SNX29: variants seen among roughly 807,000 people sequenced by gnomAD.
SNX29 encodes sorting nexin-29.
Under a neutral mutation model 102.1 loss-of-function variants are expected in SNX29, and 78 were observed. That is an observed-to-expected ratio of 0.76 (90% CI 0.64 to 0.92). The LOEUF (loss-of-function observed/expected upper bound fraction) is 0.92, where lower values mean the gene tolerates loss of function less well. Among genes scored for constraint, SNX29 ranks in the 40% least tolerant of loss-of-function variants. SNX29 has a pLI of 0.00. For synonymous variants in SNX29, 580 were observed against 414.5 expected (o/e 1.40, Z -4.85); for missense variants, 1,280 against 1,061.7 (o/e 1.21, Z -2.86).
intron 20 of SNX29, among the ~76,000 whole-genome samples, chr16:12,532,586 A>G (rs1025804386): frequency 2.0e-5 from 3 of 152,162 alleles, no homozygotes; most frequent in Admixed American, 6.5e-5. Flanking sequence ...ACCATCTGAA[A>G]TCCCAGTCTG....
chr16:12,322,933 T>A (rs1468063482), intron 15 of SNX29, among the ~76,000 whole-genome samples: 3 of 134,862 alleles, frequency 2.2e-5, no homozygotes, highest in Non-Finnish European at 4.7e-5. Flanking sequence ...GGGACCACTG[T>A]CAGGATGCGG....
chr16:12,560,668 G>C (rs187846243), intron 20 of SNX29: 2 of 156,682 alleles, frequency 1.3e-5, no homozygotes, highest in African/African-American at 2.4e-5. Context: ...CTTGGGGGCT[G>C]GGCTTGGATG....
chr16:12,527,226 C>G (rs1286708773), intron 20 of SNX29: 6 of 533,734 alleles, frequency 1.1e-5, no homozygotes, highest in African/African-American at 1.1e-4. Flanking sequence ...AATGATGGAT[C>G]AGCCACAGCC....
intron 14 of SNX29, among the ~76,000 whole-genome samples, chr16:12,220,163 T>G (rs1490991543): frequency 4.6e-5 from 7 of 150,948 alleles, no homozygotes. Context: ...AGAATGTGTG[T>G]TATTTCACAG....
At chr16:12,016,590 A>G (rs1345837329) in intron 3 of SNX29, among the ~76,000 whole-genome samples, 2 of 152,078 alleles carry the variant, frequency 1.3e-5, no homozygotes, top group African/African-American at 2.4e-5. Flanking sequence ...TGATTTTGTC[A>G]TGACTTTGTA....
chr16:12,549,077 T>G lies in SNX29; in HGVS notation c.2319-19429T>G, dbSNP rs142631868. Reference sequence around the variant, plus strand: ...TGCAGCTGGGCAGGCATCATAGTGTTCGGCTCCCTGTTACAGTGTCATTTC... The same window carrying G: ...TGCAGCTGGGCAGGCATCATAGTGTGCGGCTCCCTGTTACAGTGTCATTTC... On this transcript the variant is annotated intron_variant, in intron 20 of 20. Transcript: ENST00000566228. Among the ~76,000 whole-genome samples the G allele has an allele frequency of 1.5e-3, 226 of 152,336 alleles. 1 individual carries two copies. Among genetic ancestry groups the G allele is most frequent in the African/African-American group, 5.2e-3 (218 of 41,574 alleles).
At chr16:12,218,257 G>A (rs996930863) in intron 14 of SNX29, among the ~76,000 whole-genome samples, 3 of 152,144 alleles carry the variant, frequency 2.0e-5, no homozygotes, top group African/African-American at 7.2e-5. Flanking sequence ...GCAGAGGTAC[G>A]TAAAGAAGTT....
intron 20 of SNX29, among the ~76,000 whole-genome samples, chr16:12,554,747 A>G (rs867779486): frequency 6.6e-6 from 1 of 151,920 alleles, no homozygotes; most frequent in Admixed American, 6.6e-5. Flanking sequence ...ATTTTCCTTA[A>G]GTGTATTAGA....
intron 20 of SNX29, among the ~76,000 whole-genome samples, chr16:12,565,136 C>T (rs568114570): frequency 2.6e-5 from 4 of 152,046 alleles, no homozygotes; most frequent in South Asian, 4.1e-4. Flanking sequence ...CACATTAGCC[C>T]CCACTTCCTT....
chr16:12,236,261 C>CT (rs762697769), intron 14 of SNX29, among the ~76,000 whole-genome samples: 1 of 152,156 alleles, frequency 6.6e-6, no homozygotes, highest in East Asian at 1.9e-4. Flanking sequence ...CACTGTTAGT[C>CT]TTCTAGTGTC....
At chr16:12,490,393 A>G (rs985333630) in intron 19 of SNX29, among the ~76,000 whole-genome samples, 3 of 152,146 alleles carry the variant, frequency 2.0e-5, no homozygotes, top group Non-Finnish European at 4.4e-5. Flanking sequence ...GTTCATTTTC[A>G]TTGCTCTGTA....
chr16:12,002,817 G>A (rs969022404), intron 2 of SNX29, among the ~76,000 whole-genome samples, 174 bp from the exon 3 acceptor site: 14 of 152,190 alleles, frequency 9.2e-5, no homozygotes, highest in African/African-American at 1.7e-4. Flanking sequence ...GCTGGGGTGC[G>A]CACCTTCTTA....
In SNX29 at chr16:12,052,140, G is replaced by A; in HGVS notation, c.1042G>A (p.Glu348Lys). The A allele has an allele frequency of 6.2e-7, 1 of 1,613,944 alleles. No homozygotes were observed. Among genetic ancestry groups the A allele is most frequent in the South Asian group, 1.1e-5 (1 of 91,064 alleles). The change falls in exon 8 of 21, where the codon GAA (glutamate) becomes AAA (lysine). Residue 348 changes from glutamate to lysine, a missense_variant. Transcript: ENST00000566228. The stretch of plus-strand genomic sequence containing the variant: ...GCTTGATGTGAAAAGCATCGATGAT[G>A]AAGATGTGGATGAAAACGAAGATGA... ...QKLDVKSIDD[E>K]DVDENEDDVY... is the part of the protein sequence containing the mutation.
intron 4 of SNX29, among the ~76,000 whole-genome samples, chr16:12,035,475 G>T (rs951828034): frequency 2.6e-5 from 4 of 152,194 alleles, no homozygotes; most frequent in Non-Finnish European, 5.9e-5. Context: ...AGGCACTCTT[G>T]CGGCTAGATG....
intron 19 of SNX29, among the ~76,000 whole-genome samples, chr16:12,508,861 A>G (rs925664765): frequency 6.6e-6 from 1 of 152,090 alleles, no homozygotes; most frequent in Non-Finnish European, 1.5e-5. Context: ...GGGACACACA[A>G]TGGCCAAGCA....
At chr16:12,512,203 GC>G in intron 19 of SNX29, among the ~76,000 whole-genome samples, 1 of 150,812 alleles carries the variant, frequency 6.6e-6, no homozygotes, top group Admixed American at 6.6e-5. Flanking sequence ...TGGGGTGTGA[GC>G]ATCTCCTTGG....
intron 20 of SNX29, among the ~76,000 whole-genome samples, chr16:12,547,467 G>C (rs564143769): frequency 6.6e-6 from 1 of 152,094 alleles, no homozygotes. Flanking sequence ...CCTGGGAAGG[G>C]GTATTCTCAA....
intron 18 of SNX29, among the ~76,000 whole-genome samples, chr16:12,447,739 GCT>G (rs1262814079): frequency 6.6e-5 from 10 of 152,180 alleles, no homozygotes; most frequent in Admixed American, 4.6e-4. Flanking sequence ...ATTTTTCAAA[GCT>G]CTCTCCTGAG....
chr16:12,059,851 A>G (rs1316749833), intron 8 of SNX29, among the ~76,000 whole-genome samples: 1 of 152,198 alleles, frequency 6.6e-6, no homozygotes, highest in African/African-American at 2.4e-5. Flanking sequence ...GACTCGGTGC[A>G]CTTGAGTTTG....
Sources: allele counts gnomAD v4.1 joint callset (sites outside exome capture counted in the v4.1 genomes callset), GRCh38; gene constraint gnomAD v4.1.1; transcripts MANE v1.5; gene names NCBI Gene and HGNC (gene_info 2026-07-23, HGNC 2026-07-21).